Variants in CCDC63 observed in about 807,000 individuals in gnomAD.
CCDC63 encodes the protein coiled-coil domain-containing protein 63.
Under a neutral mutation model 63.6 loss-of-function variants are expected in CCDC63, and 54 were observed. The observed-to-expected ratio is 0.85, with a 90% CI of 0.68 to 1.07. The LOEUF (loss-of-function observed/expected upper bound fraction) is 1.07, where lower values mean the gene tolerates loss of function less well. CCDC63 is among the 50% of genes least tolerant of loss of function. The pLI is 0.00. For synonymous variants in CCDC63, 253 were observed against 266.1 expected (o/e 0.95, Z 0.48); for missense variants, 637 against 689.6 (o/e 0.92, Z 0.86).
intron 4 of CCDC63, among the ~76,000 whole-genome samples, chr12:110,873,381 G>A (rs2071090626): frequency 6.6e-6 from 1 of 152,236 alleles, no homozygotes; most frequent in Admixed American, 6.5e-5. Flanking sequence ...CAGGGTATGT[G>A]ACCTCTCGTG....
upstream of CCDC63, chr12:110,845,682 A>G (rs2070629170): frequency 6.6e-6 from 1 of 152,108 alleles, no homozygotes; most frequent in African/African-American, 2.4e-5. Flanking sequence ...CATGGTTACA[A>G]CGTGGCTGCC....
At chr12:110,904,912 AT>A in intron 11 of CCDC63, 121 bp downstream of exon 11, 1 of 732,372 alleles carries the variant, frequency 1.4e-6, no homozygotes, top group Non-Finnish European at 2.1e-6. Flanking sequence ...TCCTCTCTTT[AT>A]GAGCTCTTGT....
chr12:110,901,507 C>T (rs1428809573), intron 10 of CCDC63, among the ~76,000 whole-genome samples: 1 of 151,696 alleles, frequency 6.6e-6, no homozygotes, highest in Non-Finnish European at 1.5e-5. Flanking sequence ...GGATTACAGG[C>T]AGGAGCCATT....
At chr12:110,875,568 A>G (rs569913306) in intron 5 of CCDC63, among the ~76,000 whole-genome samples, 12 of 151,888 alleles carry the variant, frequency 7.9e-5, no homozygotes, top group African/African-American at 2.4e-4. Flanking sequence ...CAGATGTTCT[A>G]TTCTTCTCGA....
chr12:110,881,898 C>T (rs189967367), intron 7 of CCDC63, among the ~76,000 whole-genome samples: 2 of 152,180 alleles, frequency 1.3e-5, no homozygotes, highest in East Asian at 1.9e-4. Context: ...ACTGAGAACC[C>T]TCTATTTTAT....
At chr12:110,883,608 T>TTTTG (rs149665078) in intron 7 of CCDC63, among the ~76,000 whole-genome samples, 41,961 of 151,726 alleles carry the variant, frequency 0.28, 5,859 homozygotes, top group African/African-American at 0.32. Flanking sequence ...ATATATATTT[T>TTTTG]TTTGTTTGTT....
In CCDC63 at chr12:110,899,029, A is replaced by C; in HGVS notation, c.1246A>C (p.Lys416Gln). ...TLDLLKNSVE[K>Q]LFKKINCDAT... ...GGATCTATTGAAGAACTCAGTGGAGAAACTGTTCAAGAAGATAAACTGTGA... is the reference window on the plus strand; with the variant it reads ...GGATCTATTGAAGAACTCAGTGGAGCAACTGTTCAAGAAGATAAACTGTGA... The change falls in exon 10 of 12, where the codon AAA (lysine) becomes CAA (glutamine). Residue 416 changes from lysine to glutamine, a missense_variant. Transcript: ENST00000308208. The C allele has an allele frequency of 6.2e-7, 1 of 1,613,792 alleles. No individual in the cohort carries two copies. Among genetic ancestry groups the C allele is most frequent in the Non-Finnish European group, 8.5e-7 (1 of 1,179,888 alleles).
At chr12:110,888,936 A>T (rs1301109059) in intron 8 of CCDC63, among the ~76,000 whole-genome samples, 1 of 147,558 alleles carries the variant, frequency 6.8e-6, no homozygotes, top group Non-Finnish European at 1.5e-5. Context: ...CAGTGGCTTG[A>T]TCTTGGCTCA....
chr12:110,852,769 G>A (rs1468906546), intron 1 of CCDC63, 90 bp from the exon 2 acceptor site: 1 of 785,656 alleles, frequency 1.3e-6, no homozygotes. Flanking sequence ...TGGAGGAAGG[G>A]ATGGCAGGGG....
At chr12:110,848,588 ATC>A (rs902046139) in intron 1 of CCDC63, among the ~76,000 whole-genome samples, 65 of 152,142 alleles carry the variant, frequency 4.3e-4, no homozygotes, top group Non-Finnish European at 7.5e-4. Context: ...CCAGCCAATG[ATC>A]TCATGGGCCA....
rs2071538941 is a variant in CCDC63, at chr12:110,904,862, T to A, written c.1546+71T>A. On this transcript the variant is annotated intron_variant, in intron 11 of 11. Transcript: ENST00000308208. The stretch of plus-strand genomic sequence containing the variant: ...TGCCTTCAGGTCTGGGGAGACCGTG[T>A]CCAGGTGCCCGAGAGGGTCTGCAGT... 3.1e-6 allele frequency: 4 copies of A among 1,280,828 alleles called. No homozygotes were observed. In the South Asian group the frequency reaches 5.8e-5, roughly 19 times the overall value. The allele number at this position is 1,280,828 out of a possible 1,614,324, so 79.3% of individuals were successfully genotyped here.
intron 4 of CCDC63, among the ~76,000 whole-genome samples, chr12:110,868,942 A>G (rs917117519): frequency 6.6e-6 from 1 of 152,098 alleles, no homozygotes; most frequent in African/African-American, 2.4e-5. Context: ...TATTTGCTGG[A>G]CCACTTTACT....
chr12:110,849,498 CTTTT>C (rs56059098), intron 1 of CCDC63, among the ~76,000 whole-genome samples: 1 of 126,282 alleles, frequency 7.9e-6, no homozygotes. Flanking sequence ...CTCTTATTTC[CTTTT>C]TTTTTTTTTT....
At chr12:110,858,157 T>TAAAAA (rs1204396190) in intron 3 of CCDC63, among the ~76,000 whole-genome samples, 9 of 140,958 alleles carry the variant, frequency 6.4e-5, no homozygotes, top group African/African-American at 2.0e-4. Flanking sequence ...TAAAATAAAA[T>TAAAAA]AAAAAATAAA....
chr12:110,872,593 A>G (rs745447703), intron 4 of CCDC63, among the ~76,000 whole-genome samples: 23 of 152,146 alleles, frequency 1.5e-4, no homozygotes, highest in Non-Finnish European at 3.1e-4. Context: ...TGAATGGAAA[A>G]TTCTGTGTGT....
At chr12:110,869,103 G>A (rs953711043) in intron 4 of CCDC63, among the ~76,000 whole-genome samples, 2 of 152,140 alleles carry the variant, frequency 1.3e-5, no homozygotes, top group African/African-American at 4.8e-5. Flanking sequence ...ATGCTAACAC[G>A]GAATCCCAGA....
intron 4 of CCDC63, among the ~76,000 whole-genome samples, chr12:110,867,245 C>G (rs1470328669): frequency 3.5e-4 from 41 of 117,366 alleles, no homozygotes; most frequent in East Asian, 3.4e-3. Context: ...ACCTCCCTCC[C>G]GGACGGGGCG....
intron 6 of CCDC63, among the ~76,000 whole-genome samples, chr12:110,880,771 TA>T (rs1407707327): frequency 9.3e-4 from 3 of 3,240 alleles, no homozygotes; most frequent in Non-Finnish European, 2.1e-3. Flanking sequence ...ATAGTGGTGA[TA>T]ATGATGATGG....
intron 4 of CCDC63, among the ~76,000 whole-genome samples, chr12:110,866,386 T>C (rs1243867844): frequency 6.7e-6 from 1 of 149,248 alleles, no homozygotes; most frequent in Non-Finnish European, 1.5e-5. Context: ...GGCAGGGTCA[T>C]GGGACCATAG....
Sources: allele counts gnomAD v4.1 joint callset (sites outside exome capture counted in the v4.1 genomes callset), GRCh38; gene constraint gnomAD v4.1.1; transcripts MANE v1.5; gene names NCBI Gene and HGNC (gene_info 2026-07-23, HGNC 2026-07-21).